COPG2: variants seen among roughly 807,000 people sequenced by gnomAD.
COPG2 encodes coatomer subunit gamma-2.
Under a neutral mutation model 46.3 loss-of-function variants are expected in COPG2, and 37 were observed. The observed-to-expected ratio is 0.80, with a 90% CI of 0.61 to 1.05. COPG2 has a LOEUF of 1.05. Among genes scored for constraint, COPG2 ranks in the 50% least tolerant of loss-of-function variants. The probability of loss-of-function intolerance (pLI) is 0.00; values close to 1 mark genes in which losing one functional copy is unlikely to be tolerated. For synonymous variants in COPG2, 159 were observed against 129.7 expected, an observed-to-expected ratio of 1.23 and a Z score of -1.53; for missense variants, 427 against 387.8, an observed-to-expected ratio of 1.10 and a Z score of -0.85.
chr7:130,612,961 A>G (rs574401511), intron 7 of COPG2, among the ~76,000 whole-genome samples: 1 of 152,168 alleles, frequency 6.6e-6, no homozygotes, highest in South Asian at 2.1e-4. Flanking sequence ...CCCCACACTT[A>G]CCCCTCTTTT....
chr7:130,662,768 T>G (rs1394001744), intron 4 of COPG2, among the ~76,000 whole-genome samples, 199 bp downstream of exon 4: 6 of 152,216 alleles, frequency 3.9e-5, no homozygotes, highest in South Asian at 2.1e-4. Context: ...TCACGGTAGA[T>G]CTGCAGGGAA....
In COPG2 at chr7:130,554,500, C is replaced by T. The variant is rs920901458; in HGVS notation, c.1449G>A (p.Glu483=). 32 of 398,472 alleles carry T rather than the reference C, an allele frequency of 8.0e-5. No individual in the cohort carries two copies. Among genetic ancestry groups the T allele is most frequent in the Admixed American group, 2.2e-4 (5 of 22,716 alleles). The allele number at this position is 398,472 out of a possible 1,614,324, so 24.7% of individuals were successfully genotyped here. The stretch of plus-strand genomic sequence containing the variant: ...ACTCACCAGCTCTGACAGCCTCATT[C>T]TCCAGGACAACCCTATTAAAAATAA... ...IRFIFNRVVL[E]NEAVRAAAVS... The change falls in exon 14 of 24, where the codon GAG becomes GAA. Residue 483 remains glutamate, a synonymous_variant. Transcript: ENST00000425248.
chr7:130,635,319 G>A (rs1318598792), intron 5 of COPG2, among the ~76,000 whole-genome samples: 2 of 151,968 alleles, frequency 1.3e-5, no homozygotes, highest in East Asian at 1.9e-4. Flanking sequence ...GGTAGAATTC[G>A]GCTGTGAACC....
chr7:130,626,392 C>G (rs1215855758), intron 5 of COPG2, among the ~76,000 whole-genome samples: 1 of 143,434 alleles, frequency 7.0e-6, no homozygotes, highest in Non-Finnish European at 1.5e-5. Flanking sequence ...TGCCACCACA[C>G]CAGGCTAATT....
At chr7:130,605,595 GA>G (rs1490099502) in intron 9 of COPG2, 1 of 406,744 alleles carries the variant, frequency 2.5e-6, no homozygotes, top group Non-Finnish European at 4.9e-6. Context: ...GTTGCTCATT[GA>G]AAGCATGAGA....
At chr7:130,552,898 T>C (rs1793554897) in intron 14 of COPG2, among the ~76,000 whole-genome samples, 2 of 152,250 alleles carry the variant, frequency 1.3e-5, no homozygotes, top group Middle Eastern at 3.4e-3. Flanking sequence ...TACACTCTAG[T>C]GGGAAAGATA....
Position 130,668,619 on chromosome 7 carries a change from GC to G in COPG2, c.37+12del, listed in dbSNP as rs1796154961. On this transcript the variant is annotated intron_variant, in intron 1 of 23. Coordinates refer to ENST00000425248, the MANE Select transcript of COPG2 (RefSeq NM_012133.6). Reference sequence around the variant, plus strand: ...CCGCGGCTGAGGGTGGGCCTCGGAAGCCCCGCGCGTACCAGACTCCTCGTCC... The same window carrying G: ...CCGCGGCTGAGGGTGGGCCTCGGAAGCCCGCGCGTACCAGACTCCTCGTCC... The G allele has an allele frequency of 1.3e-6, 2 of 1,528,520 alleles. No homozygotes were observed. Among genetic ancestry groups the G allele is most frequent in the Admixed American group, 4.0e-5 (2 of 49,692 alleles). The allele number at this position is 1,528,520 out of a possible 1,614,324, so 94.7% of individuals were successfully genotyped here. A position where few individuals can be genotyped will look rare whatever the true frequency, so the allele number is the denominator to read the frequency against.
At chr7:130,518,739 C>T (rs1799699893) in intron 20 of COPG2, among the ~76,000 whole-genome samples, 1 of 152,120 alleles carries the variant, frequency 6.6e-6, no homozygotes, top group East Asian at 1.9e-4. Context: ...CACAGTTGCT[C>T]ATGCCTGTAA....
intron 9 of COPG2, among the ~76,000 whole-genome samples, chr7:130,588,530 G>A (rs1228049569): frequency 6.6e-6 from 1 of 152,062 alleles, no homozygotes; most frequent in Non-Finnish European, 1.5e-5. Context: ...ATCATTCTCA[G>A]CAAAATATCA....
intron 5 of COPG2, among the ~76,000 whole-genome samples, chr7:130,642,398 C>G (rs1273884202): frequency 6.6e-6 from 1 of 152,156 alleles, no homozygotes; most frequent in African/African-American, 2.4e-5. Context: ...CCCTCATGCC[C>G]ATTTCCAATC....
chr7:130,583,491 T>TAAA, intron 9 of COPG2, among the ~76,000 whole-genome samples: 1 of 34,090 alleles, frequency 2.9e-5, no homozygotes, highest in African/African-American at 1.5e-4. Flanking sequence ...AAACATAAAG[T>TAAA]ATAAAAAAAA....
chr7:130,532,123 G>T (rs986153003), intron 20 of COPG2, among the ~76,000 whole-genome samples: 11 of 152,172 alleles, frequency 7.2e-5, no homozygotes, highest in African/African-American at 2.7e-4. Context: ...CGTGCAGCAG[G>T]GTTGATGGAG....
intron 17 of COPG2, 45 bp downstream of exon 17, chr7:130,550,479 A>G: frequency 2.8e-6 from 1 of 351,762 alleles, no homozygotes; most frequent in African/African-American, 2.2e-5. Context: ...AATATTTTTT[A>G]GTTTTGCAAA....
intron 20 of COPG2, among the ~76,000 whole-genome samples, chr7:130,535,013 T>C (rs1799864549): frequency 6.6e-6 from 1 of 152,038 alleles, no homozygotes; most frequent in Non-Finnish European, 1.5e-5. Flanking sequence ...CTGGCCTGAA[T>C]CAGTGGAAGA....
chr7:130,589,319 C>G (rs1228710656), intron 9 of COPG2, among the ~76,000 whole-genome samples: 2 of 151,570 alleles, frequency 1.3e-5, no homozygotes, highest in Admixed American at 1.3e-4. Context: ...ACTGTGTCAC[C>G]TAGGCTACAG....
intron 9 of COPG2, among the ~76,000 whole-genome samples, chr7:130,595,499 A>G (rs562199842): frequency 1.3e-5 from 2 of 152,356 alleles, no homozygotes; most frequent in African/African-American, 2.4e-5. Flanking sequence ...GGTGAGTTTT[A>G]TGGTTTATGA....
intron 3 of COPG2, among the ~76,000 whole-genome samples, chr7:130,663,856 A>G (rs1796025608): frequency 1.4e-5 from 2 of 146,004 alleles, no homozygotes; most frequent in African/African-American, 2.6e-5. Context: ...CTCCTGCCTC[A>G]GCCTCCCAAG....
At chr7:130,623,271 T>G (rs1289273154) in intron 5 of COPG2, among the ~76,000 whole-genome samples, 2 of 152,156 alleles carry the variant, frequency 1.3e-5, no homozygotes, top group African/African-American at 4.8e-5. Context: ...TAATTCACAT[T>G]TGGGGTACAG....
chr7:130,652,123 C>T lies in COPG2; in HGVS notation c.323+746G>A, dbSNP rs559468802. Among the ~76,000 whole-genome samples the T allele has an allele frequency of 2.7e-4, 41 of 152,222 alleles. 1 individual carries two copies. In the South Asian group the frequency reaches 7.5e-3, roughly 28 times the overall value. ...TAAATAATTTTATCAATGGTAGACACGTAAGTTGTTTGTCCTTTTTTCTAC... is the reference window on the plus strand; with the variant it reads ...TAAATAATTTTATCAATGGTAGACATGTAAGTTGTTTGTCCTTTTTTCTAC... On this transcript the variant is annotated intron_variant, in intron 5 of 23. Transcript: ENST00000425248.
Sources: gnomAD v4.1 joint callset for allele counts (sites outside exome capture counted in the v4.1 genomes callset) on GRCh38, gnomAD v4.1.1 for gene constraint, MANE v1.5 for transcripts, NCBI Gene and HGNC (gene_info 2026-07-23, HGNC 2026-07-21) for gene names.